EIF4B: variants seen among roughly 807,000 people sequenced by gnomAD.
EIF4B encodes eukaryotic translation initiation factor 4B.
A neutral mutation model predicts 79.3 loss-of-function variants in EIF4B; 8 were observed. The observed-to-expected ratio is 0.10, with a 90% confidence interval of 0.06 to 0.18. The LOEUF (loss-of-function observed/expected upper bound fraction) is 0.18. Among genes scored for constraint, EIF4B ranks in the 10% least tolerant of loss-of-function variants. The pLI, the probability that EIF4B is intolerant of heterozygous loss-of-function variation, is 1.00. For missense variants in EIF4B, 515 were observed against 792.4 expected (o/e 0.65, Z 4.20); for synonymous variants, 238 against 274.7 (o/e 0.87, Z 1.32).
intron 2 of EIF4B, among the ~76,000 whole-genome samples, chr12:53,018,248 G>A (rs1354346475): frequency 2.6e-5 from 4 of 152,116 alleles, no homozygotes; most frequent in East Asian, 1.9e-4. Flanking sequence ...TTGGCCTCCC[G>A]AAGTGTTGGG....
chr12:53,037,845 A>G, intron 11 of EIF4B: 1 of 578,698 alleles, frequency 1.7e-6, no homozygotes, highest in Non-Finnish European at 3.1e-6. Context: ...GGGAGTACTA[A>G]TGCCGCACAA....
chr12:53,038,795 C>T (rs919459487), intron 12 of EIF4B: 34 of 160,886 alleles, frequency 2.1e-4, no homozygotes, highest in African/African-American at 6.9e-4. Flanking sequence ...CCAGCCTGGG[C>T]GACAGAGCAA....
chr12:53,031,195 C>T (rs536728890), intron 8 of EIF4B, among the ~76,000 whole-genome samples: 42 of 152,354 alleles, frequency 2.8e-4, no homozygotes, highest in African/African-American at 9.1e-4. Context: ...CCTGTTTAGA[C>T]CTGTCTAGTT....
At chr12:53,007,088 A>G (rs1942977937) in intron 1 of EIF4B, among the ~76,000 whole-genome samples, 1 of 152,154 alleles carries the variant, frequency 6.6e-6, no homozygotes, top group Non-Finnish European at 1.5e-5. Context: ...CCAGATGGGA[A>G]GCTTTTTAAC....
chr12:53,025,827 G>T lies in EIF4B; in HGVS notation c.668-1955G>T, dbSNP rs140188689. Reference sequence around the variant, plus strand: ...AGCAGCCACAAGAAAAAGATCCCTGGCCGGGCATGGTGGCTCACGCCTGTA... The same window carrying T: ...AGCAGCCACAAGAAAAAGATCCCTGTCCGGGCATGGTGGCTCACGCCTGTA... On this transcript the variant is annotated intron_variant, in intron 6 of 14. Transcript: ENST00000262056. Among the ~76,000 whole-genome samples the T allele has an allele frequency of 7.0e-3, 1,066 of 152,236 alleles. 13 individuals carry two copies. The highest frequency in any genetic ancestry group is 0.024 in the African/African-American group (1,008 of 41,536).
At chr12:53,013,325 GGTACT>G (rs1943095975) in intron 1 of EIF4B, among the ~76,000 whole-genome samples, 1 of 152,148 alleles carries the variant, frequency 6.6e-6, no homozygotes, top group African/African-American at 2.4e-5. Context: ...ATTAGCTGAT[GGTACT>G]AGATTAAGCC....
intron 2 of EIF4B, among the ~76,000 whole-genome samples, chr12:53,017,005 C>G (rs2120906329): frequency 6.6e-6 from 1 of 152,260 alleles, no homozygotes; most frequent in Non-Finnish European, 1.5e-5. Context: ...GTAATCCCAG[C>G]ACTTTGGGAG....
intron 1 of EIF4B, among the ~76,000 whole-genome samples, chr12:53,008,895 C>T (rs904972798): frequency 6.6e-6 from 1 of 151,956 alleles, no homozygotes; most frequent in East Asian, 1.9e-4. Context: ...ATTAGCTGGG[C>T]GTGGTGTCGC....
At chr12:53,033,050 T>C (rs1328823851) in intron 8 of EIF4B, among the ~76,000 whole-genome samples, 2 of 152,080 alleles carry the variant, frequency 1.3e-5, no homozygotes, top group African/African-American at 4.8e-5. Context: ...TTGCTTTTGT[T>C]TTCCAGCCTG....
rs898588286 is a variant in EIF4B, at chr12:53,037,758, C to T, written c.1520+136C>T. 6 of 939,924 alleles carry T rather than the reference C, an allele frequency of 6.4e-6. No homozygotes were observed. In the African/African-American group the frequency reaches 6.7e-5, roughly 10 times the overall value. The allele number at this position is 939,924 out of a possible 1,614,324, so 58.2% of individuals were successfully genotyped here. ...ATGCTGGCTTTAGTCTCTTAGTGTG[C>T]TGGAACTGGCTCATAAGACCTAGTT... On this transcript the variant is annotated intron_variant, in intron 11 of 14. Transcript: ENST00000262056.
At chr12:53,022,397 G>T in intron 5 of EIF4B, 96 bp from the exon 6 acceptor site, 1 of 1,560,316 alleles carries the variant, frequency 6.4e-7, no homozygotes, top group South Asian at 1.1e-5. Flanking sequence ...ACGTGAAAGT[G>T]AAAAATAGGG....
Position 53,040,966 on chromosome 12 carries a change from C to T in EIF4B, c.*743C>T, listed in dbSNP as rs1213339602. ...AAAATTGTGTGACCTCCAGCAAACA[C>T]ATGAATGGTTATTTCCTGGAGCCGG... On this transcript the variant is annotated 3_prime_UTR_variant, in exon 15 of 15. Transcript: ENST00000262056. The T allele has an allele frequency of 5.9e-5, 9 of 152,318 alleles. No individual in the cohort carries two copies. The highest frequency in any genetic ancestry group is 2.2e-4 in the African/African-American group (9 of 41,574). The allele number at this position is 152,318 out of a possible 1,614,324, so 9.4% of individuals were successfully genotyped here. A position where few individuals can be genotyped will look rare whatever the true frequency, so the allele number is the denominator to read the frequency against.
intron 1 of EIF4B, among the ~76,000 whole-genome samples, 169 bp downstream of exon 1, chr12:53,006,665 G>C (rs1221270262): frequency 1.3e-5 from 2 of 151,398 alleles, no homozygotes; most frequent in Non-Finnish European, 2.9e-5. Context: ...CTGGATGTTT[G>C]GGGGGGAGGG....
At chr12:53,031,282 T>C (rs758827920) in intron 8 of EIF4B, among the ~76,000 whole-genome samples, 1 of 152,204 alleles carries the variant, frequency 6.6e-6, no homozygotes, top group African/African-American at 2.4e-5. Context: ...CAGCCTTTAC[T>C]TTTTTCTTCT....
At chr12:53,030,410 A>ATTTTTTTTTT (rs1555153412) in intron 8 of EIF4B, among the ~76,000 whole-genome samples, 21 of 34,174 alleles carry the variant, frequency 6.1e-4, no homozygotes, top group East Asian at 8.4e-4. Flanking sequence ...AAAAAATTAT[A>ATTTTTTTTTT]TTCTTTTTTT....
chr12:53,016,606 A>G lies in EIF4B; in HGVS notation c.147A>G (p.Gly49=). The G allele has an allele frequency of 1.3e-6, 2 of 1,575,578 alleles. No homozygotes were observed. Among genetic ancestry groups the G allele is most frequent in the South Asian group, 2.3e-5 (2 of 85,270 alleles). ...SWADETDDLE[G]DVSTTWHSND... ...CTGATGAAACGGATGACCTGGAAGG[A>G]GATGGTAACTTTTCTTTTGTCATCG... is the stretch of plus-strand genomic sequence containing the variant. The change falls in exon 2 of 15, where the codon GGA becomes GGG. Residue 49 remains glycine (G), a synonymous_variant. Coordinates refer to ENST00000262056, the MANE Select transcript of EIF4B (RefSeq NM_001417.7).
At chr12:53,022,078 G>A (rs1366765168) in intron 5 of EIF4B, among the ~76,000 whole-genome samples, 1 of 152,110 alleles carries the variant, frequency 6.6e-6, no homozygotes, top group African/African-American at 2.4e-5. Context: ...TAGAATCCAG[G>A]GGTTAATTCT....
intron 3 of EIF4B, among the ~76,000 whole-genome samples, chr12:53,019,433 A>ATTTT (rs1565586158): frequency 6.9e-3 from 225 of 32,642 alleles, no homozygotes; most frequent in Middle Eastern, 0.025. Flanking sequence ...TTATATATAT[A>ATTTT]TATATTTTTT....
At chr12:53,017,955 G>A (rs1943174588) in intron 2 of EIF4B, among the ~76,000 whole-genome samples, 1 of 152,136 alleles carries the variant, frequency 6.6e-6, no homozygotes, top group Non-Finnish European at 1.5e-5. Flanking sequence ...ACAAATTCAT[G>A]GACAGTGCTG....
Sources: allele counts gnomAD v4.1 joint callset (sites outside exome capture counted in the v4.1 genomes callset), GRCh38; gene constraint gnomAD v4.1.1; transcripts MANE v1.5; gene names NCBI Gene and HGNC (gene_info 2026-07-23, HGNC 2026-07-21).